Variants in PDE1C observed in about 807,000 individuals in gnomAD.
The protein encoded by PDE1C is phosphodiesterase 1C.
A neutral mutation model predicts 93.1 loss-of-function variants in PDE1C; 62 were observed. The observed-to-expected ratio is 0.67, with a 90% CI of 0.54 to 0.82. The LOEUF is 0.82. Among genes scored for constraint, PDE1C ranks in the 40% least tolerant of loss-of-function variants. The pLI is 0.00. For missense variants in PDE1C, 742 were observed against 884.6 expected (o/e 0.84, Z 2.04); for synonymous variants, 325 against 310.1 (o/e 1.05, Z -0.50).
chr7:32,385,678 T>C (rs909991137), intron 1 of PDE1C, among the ~76,000 whole-genome samples: 1 of 152,188 alleles, frequency 6.6e-6, no homozygotes, highest in Non-Finnish European at 1.5e-5. Context: ...TGGAACAATG[T>C]CTGGCAGAGA....
intron 1 of PDE1C, among the ~76,000 whole-genome samples, chr7:32,226,916 C>T (rs896532340): frequency 6.6e-6 from 1 of 152,184 alleles, no homozygotes; most frequent in African/African-American, 2.4e-5. Flanking sequence ...TATGCCGCTA[C>T]AGAAAACAGC....
chr7:31,761,970 C>T (rs562787043), intron 17 of PDE1C, among the ~76,000 whole-genome samples: 6 of 152,314 alleles, frequency 3.9e-5, no homozygotes, highest in African/African-American at 1.4e-4. Context: ...ATATATCATA[C>T]ATGTGAAAAC....
intron 2 of PDE1C, among the ~76,000 whole-genome samples, chr7:32,027,682 CCA>C (rs1024380928): frequency 1.4e-5 from 2 of 140,578 alleles, no homozygotes; most frequent in African/African-American, 5.4e-5. Flanking sequence ...TCAAAAATCA[CCA>C]CTCTGATCCT....
At chr7:31,880,717 T>C (rs2128878815) in intron 3 of PDE1C, 30 bp downstream of exon 3, 1 of 1,329,376 alleles carries the variant, frequency 7.5e-7, no homozygotes. Flanking sequence ...ACTATCACTA[T>C]ACTAATCTCT....
intron 2 of PDE1C, among the ~76,000 whole-genome samples, chr7:31,931,295 A>G (rs1804214891): frequency 6.6e-6 from 1 of 152,212 alleles, no homozygotes; most frequent in Admixed American, 6.5e-5. Flanking sequence ...AGAAGGTCAA[A>G]TTGTCTCTGT....
intron 2 of PDE1C, among the ~76,000 whole-genome samples, chr7:32,020,211 C>T (rs1788459272): frequency 2.6e-5 from 4 of 152,050 alleles, no homozygotes. Context: ...ACATCCTAAC[C>T]CTTTTGTGCA....
chr7:32,071,612 G>A (rs1796066572), upstream of PDE1C, among the ~76,000 whole-genome samples: 1 of 152,090 alleles, frequency 6.6e-6, no homozygotes, highest in South Asian at 2.1e-4. Flanking sequence ...GTCCCTCCTG[G>A]GTGCTGGCTG....
the PDE1C span, among the ~76,000 whole-genome samples, chr7:31,698,177 C>T: frequency 1.3e-5 from 2 of 152,162 alleles, no homozygotes. Context: ...TGTTATAAAA[C>T]TATATTTCCC....
chr7:31,932,993 C>A (rs1584048916), intron 2 of PDE1C, among the ~76,000 whole-genome samples: 1 of 152,076 alleles, frequency 6.6e-6, no homozygotes, highest in East Asian at 1.9e-4. Flanking sequence ...CATGTTCCCA[C>A]TCATAAGTGG....
At chr7:31,638,977 A>G in the PDE1C span, among the ~76,000 whole-genome samples, 59 of 152,214 alleles carry the variant, frequency 3.9e-4, no homozygotes, top group African/African-American at 1.4e-3. Context: ...GGATTTCACC[A>G]TGTTGGCCAG....
chr7:32,049,240 G>A (rs1034166389), intron 2 of PDE1C, among the ~76,000 whole-genome samples: 2 of 152,110 alleles, frequency 1.3e-5, no homozygotes, highest in African/African-American at 4.8e-5. Context: ...ATCTGTACAA[G>A]CTCTCACTAT....
chr7:32,116,822 A>G (rs186341267), intron 3 of PDE1C, among the ~76,000 whole-genome samples: 50 of 152,340 alleles, frequency 3.3e-4, no homozygotes, highest in African/African-American at 1.1e-3. Flanking sequence ...ATGGAATTAT[A>G]AAGCTTATGT....
intron 1 of PDE1C, among the ~76,000 whole-genome samples, chr7:32,222,683 T>G (rs1424991434): frequency 6.6e-6 from 1 of 152,206 alleles, no homozygotes; most frequent in Non-Finnish European, 1.5e-5. Context: ...GGACTAGTTC[T>G]CCAGGGTCGC....
chr7:32,267,586 A>ACT (rs57210713), intron 1 of PDE1C, among the ~76,000 whole-genome samples: 1,606 of 117,508 alleles, frequency 0.014, 21 homozygotes, highest in African/African-American at 0.032. Flanking sequence ...ACACACACAC[A>ACT]CTCTCTCTCT....
the PDE1C span, among the ~76,000 whole-genome samples, chr7:31,660,657 C>T: frequency 2.6e-5 from 4 of 152,048 alleles, no homozygotes. Flanking sequence ...TCTTATTTGT[C>T]AGCCCTTATT....
chr7:31,867,708 G>T (rs546340748), intron 6 of PDE1C, among the ~76,000 whole-genome samples: 35 of 152,310 alleles, frequency 2.3e-4, no homozygotes, highest in African/African-American at 8.4e-4. Flanking sequence ...TGGCTCCTGA[G>T]CAAGCCACCT....
intron 1 of PDE1C, among the ~76,000 whole-genome samples, chr7:32,367,238 T>C (rs1030514006): frequency 2.6e-5 from 4 of 152,006 alleles, no homozygotes; most frequent in Non-Finnish European, 4.4e-5. Context: ...TGTGAAACTA[T>C]AAAACTCACT....
intron 1 of PDE1C, among the ~76,000 whole-genome samples, chr7:32,064,021 T>C (rs1264700592): frequency 2.6e-5 from 4 of 152,180 alleles, no homozygotes; most frequent in Non-Finnish European, 5.9e-5. Flanking sequence ...CAATTCCAAT[T>C]GAATGGGAGA....
intron 3 of PDE1C, among the ~76,000 whole-genome samples, chr7:32,125,760 C>A (rs1382560568): frequency 6.6e-6 from 1 of 151,878 alleles, no homozygotes; most frequent in East Asian, 1.9e-4. Flanking sequence ...GATGGGTCAA[C>A]AGATGCAGCA....
Sources: allele counts gnomAD v4.1 joint callset (sites outside exome capture counted in the v4.1 genomes callset), GRCh38; gene constraint gnomAD v4.1.1; transcripts MANE v1.5; gene names NCBI Gene and HGNC (gene_info 2026-07-23, HGNC 2026-07-21).